Variants in CLCN5 observed in about 807,000 individuals in gnomAD.
The protein encoded by CLCN5 is Cl-/H+ antiporter 5, also known as H(+)/Cl(-) exchange transporter 5.
Under a neutral mutation model 54.0 loss-of-function variants are expected in CLCN5, and 17 were observed. The observed-to-expected ratio is 0.31, with a 90% CI of 0.22 to 0.47. The LOEUF is 0.47. CLCN5 is among the 20% of genes least tolerant of loss of function. The pLI is 1.00. For missense variants in CLCN5, 448 were observed against 646.7 expected (o/e 0.69, Z 3.33); for synonymous variants, 222 against 233.0 (o/e 0.95, Z 0.43).
At chrX:50,040,375 G>C (rs1390958580) in intron 3 of CLCN5, among the ~76,000 whole-genome samples, 1 of 111,569 alleles carries the variant, frequency 9.0e-6, no homozygotes, top group Admixed American at 9.5e-5. Context: ...CAATAATTTT[G>C]TACGTTATTA....
chrX:49,941,288 T>G (rs782571888), intron 3 of CLCN5, among the ~76,000 whole-genome samples: 1 of 110,864 alleles, frequency 9.0e-6, no homozygotes, highest in Non-Finnish European at 1.9e-5. Context: ...GCCACTGCAC[T>G]CCAGCCTAGG....
intron 3 of CLCN5, among the ~76,000 whole-genome samples, chrX:50,000,068 C>T (rs1434025862): frequency 9.0e-6 from 1 of 111,172 alleles, no homozygotes; most frequent in African/African-American, 3.3e-5. Flanking sequence ...ACCTTGACCA[C>T]ACAGAACTAC....
At chrX:50,013,095 T>C (rs1930591385) in intron 3 of CLCN5, 2 of 207,615 alleles carry the variant, frequency 9.6e-6, no homozygotes, top group Admixed American at 6.8e-5. Context: ...TTGGCACTGC[T>C]TCTCCAGGCG....
At chrX:50,039,135 C>CA (rs1382687023) in intron 3 of CLCN5, among the ~76,000 whole-genome samples, 3 of 110,614 alleles carry the variant, frequency 2.7e-5, no homozygotes, top group South Asian at 3.8e-4. Flanking sequence ...AACAAACAAA[C>CA]AAAAAAACAT....
intron 3 of CLCN5, among the ~76,000 whole-genome samples, chrX:49,930,669 C>CTCAA (rs1397382996): frequency 9.0e-6 from 1 of 111,574 alleles, no homozygotes; most frequent in African/African-American, 3.3e-5. Context: ...TCCTAGCATA[C>CTCAA]TCAGGTCCTG....
At chrX:50,006,699 A>G (rs1476611912) in intron 3 of CLCN5, among the ~76,000 whole-genome samples, 4 of 111,526 alleles carry the variant, frequency 3.6e-5, no homozygotes, top group African/African-American at 1.3e-4. Flanking sequence ...AGTGCTCTCC[A>G]CATGCAATGC....
chrX:50,090,405 A>G lies in CLCN5; in HGVS notation c.2034A>G (p.Val678=). ...AGGACAGTATGACTGTGGAAGATGT[A>G]GAGACCATAATCAGTGAAACCACTT... ...LTQDSMTVED[V]ETIISETTYS... Residue 678 remains valine (V), a synonymous_variant, in exon 13 of 15, where the codon GTA becomes GTG. Coordinates refer to ENST00000376091, the MANE Select transcript of CLCN5 (RefSeq NM_001127898.4). The G allele has an allele frequency of 8.3e-7, 1 of 1,211,377 alleles. No individual in the cohort carries two copies. Among genetic ancestry groups the G allele is most frequent in the Middle Eastern group, 2.3e-4 (1 of 4,354 alleles).
chrX:49,959,215 G>A (rs1927479213), intron 3 of CLCN5, among the ~76,000 whole-genome samples: 1 of 111,420 alleles, frequency 9.0e-6, no homozygotes, highest in South Asian at 3.8e-4. Context: ...TTGTTTGTTT[G>A]TGGTTATTAC....
chrX:50,001,547 T>TG (rs1252969900), intron 3 of CLCN5, among the ~76,000 whole-genome samples: 1 of 108,476 alleles, frequency 9.2e-6, no homozygotes, highest in African/African-American at 3.4e-5. Flanking sequence ...ACATGTGCCA[T>TG]GTTGGTGTGC....
intron 3 of CLCN5, among the ~76,000 whole-genome samples, chrX:49,949,435 T>C (rs1236048445): frequency 1.8e-5 from 2 of 112,433 alleles, no homozygotes; most frequent in Non-Finnish European, 3.8e-5. Context: ...CCTGTAATTC[T>C]TAACCTTGCT....
intron 7 of CLCN5, among the ~76,000 whole-genome samples, chrX:50,079,112 C>G (rs1180170371): frequency 2.7e-5 from 3 of 111,938 alleles, no homozygotes; most frequent in Non-Finnish European, 5.6e-5. Flanking sequence ...CTCCAAATGC[C>G]AGGAAATTGC....
chrX:49,942,314 C>T (rs1926396048), intron 3 of CLCN5, among the ~76,000 whole-genome samples: 1 of 106,935 alleles, frequency 9.4e-6, no homozygotes, highest in South Asian at 4.3e-4. Flanking sequence ...CAATTGATAT[C>T]CACTTAATAC....
rs1557193214 is a variant in CLCN5, at chrX:50,081,775, G to A, written c.861G>A (p.Val287=). 8.3e-7 allele frequency: 1 copy of A among 1,211,682 alleles called. No individual in the cohort carries two copies. The highest frequency in any genetic ancestry group is 1.8e-5 in the South Asian group (1 of 56,946). ...SLGKEGPLVH[V]ACCCGNILCH... ...GCAAAGAGGGCCCTCTAGTGCACGT[G>A]GCTTGCTGCTGTGGGAACATCCTGT... Residue 287 remains valine (V), a synonymous_variant, in exon 9 of 15, where the codon GTG becomes GTA. Transcript: ENST00000376091.
intron 3 of CLCN5, among the ~76,000 whole-genome samples, chrX:50,018,176 C>G (rs1196829743): frequency 1.7e-4 from 19 of 111,516 alleles, no homozygotes; most frequent in Admixed American, 1.4e-3. Context: ...TCATGTAGGT[C>G]TTGTACATAT....
chrX:49,933,085 A>G (rs1041817356), intron 3 of CLCN5, among the ~76,000 whole-genome samples: 8 of 111,038 alleles, frequency 7.2e-5, no homozygotes, highest in Non-Finnish European at 1.1e-4. Flanking sequence ...GTTGACCGAA[A>G]CAAAAGTAGG....
At chrX:50,080,133 C>G (rs997991159) in intron 7 of CLCN5, among the ~76,000 whole-genome samples, 1 of 110,882 alleles carries the variant, frequency 9.0e-6, no homozygotes, top group Non-Finnish European at 1.9e-5. Flanking sequence ...AATTTGACAC[C>G]AAGGTAAGTA....
intron 3 of CLCN5, among the ~76,000 whole-genome samples, chrX:49,987,044 T>C (rs1275396813): frequency 7.1e-5 from 8 of 112,526 alleles, no homozygotes; most frequent in African/African-American, 9.7e-5. Context: ...CATGGCATGT[T>C]CAGGAACAGT....
intron 3 of CLCN5, among the ~76,000 whole-genome samples, chrX:49,964,064 GA>G (rs1334106671): frequency 8.9e-6 from 1 of 111,975 alleles, no homozygotes; most frequent in Non-Finnish European, 1.9e-5. Flanking sequence ...ACCATTTATT[GA>G]GCACCAACAA....
Position 50,091,891 on chromosome X carries a change from C to T in CLCN5, c.2361-238C>T, listed in dbSNP as rs143911721. 0.021 allele frequency among the ~76,000 whole-genome samples: 2,367 copies of T among 111,410 alleles called. 27 individuals are homozygous for T. Among genetic ancestry groups the T allele is most frequent in the Non-Finnish European group, 0.029 (1,558 of 53,009 alleles). On this transcript the variant is annotated intron_variant, in intron 14 of 14. Coordinates refer to ENST00000376091, the MANE Select transcript of CLCN5 (RefSeq NM_001127898.4). ...AGATATGTAGCGAAGAGTATTTAAA[C>T]CAGAGGAAATCGCAGGGTCTGAGAC...
Sources: gnomAD v4.1 joint callset for allele counts (sites outside exome capture counted in the v4.1 genomes callset) on GRCh38, gnomAD v4.1.1 for gene constraint, MANE v1.5 for transcripts, NCBI Gene and HGNC (gene_info 2026-07-23, HGNC 2026-07-21) for gene names.